Variants in KMT5B observed in about 807,000 individuals in gnomAD.
The protein encoded by KMT5B is histone-lysine N-methyltransferase KMT5B.
In KMT5B, 10 loss-of-function variants were observed where a neutral mutation model predicts 83.2. That is an observed-to-expected ratio of 0.12 (90% CI 0.07 to 0.20). The LOEUF is 0.20. Among genes scored for constraint, KMT5B ranks in the 10% least tolerant of loss-of-function variants. The pLI, the probability that KMT5B is intolerant of heterozygous loss-of-function variation, is 1.00. For synonymous variants in KMT5B, 349 were observed against 388.8 expected, an observed-to-expected ratio of 0.90 and a Z score of 1.20; for missense variants, 753 against 1,067.2, an observed-to-expected ratio of 0.71 and a Z score of 4.10.
intron 10 of KMT5B, 129 bp from the exon 11 acceptor site, chr11:68,159,300 G>T: frequency 7.6e-7 from 1 of 1,319,660 alleles, no homozygotes; most frequent in Non-Finnish European, 9.9e-7. Context: ...GGCTCCTGCT[G>T]CAGATTCTGC....
chr11:68,155,986 T>A lies in KMT5B; in HGVS notation c.*1702A>T, dbSNP rs1355074716. On this transcript the variant is annotated 3_prime_UTR_variant, in exon 11 of 11. Coordinates refer to ENST00000304363, the MANE Select transcript of KMT5B (RefSeq NM_017635.5). ...AATGTTCATGAGTCTTAATTTCTAT[T>A]TGGAACCTATGGGCAATCAACAGTC... 1 of 152,216 alleles carries A rather than the reference T, an allele frequency of 6.6e-6. No individual in the cohort carries two copies. Among genetic ancestry groups the A allele is most frequent in the Non-Finnish European group, 1.5e-5 (1 of 68,038 alleles). 9.4% of individuals were successfully genotyped at this position (152,216 alleles called of 1,614,324 possible).
intron 9 of KMT5B, among the ~76,000 whole-genome samples, chr11:68,167,914 G>T (rs1233450307): frequency 6.6e-6 from 1 of 152,166 alleles, no homozygotes; most frequent in African/African-American, 2.4e-5. Flanking sequence ...GCTCACACCT[G>T]TAATCCCAGC....
chr11:68,207,588 C>T (rs1275546128), intron 1 of KMT5B, among the ~76,000 whole-genome samples: 3 of 151,866 alleles, frequency 2.0e-5, no homozygotes, highest in Non-Finnish European at 4.4e-5. Flanking sequence ...GTCAAGAATT[C>T]GAGACCAGCC....
intron 2 of KMT5B, among the ~76,000 whole-genome samples, chr11:68,187,973 T>A (rs895568670): frequency 1.3e-5 from 2 of 152,060 alleles, no homozygotes; most frequent in Non-Finnish European, 2.9e-5. Flanking sequence ...TAGCCCTCTA[T>A]ATTTATCTAT....
intron 4 of KMT5B, among the ~76,000 whole-genome samples, chr11:68,175,783 G>A (rs1856306075): frequency 6.6e-6 from 1 of 152,154 alleles, no homozygotes; most frequent in Non-Finnish European, 1.5e-5. Flanking sequence ...AACACACCTT[G>A]ATGTTCTAAC....
intron 9 of KMT5B, among the ~76,000 whole-genome samples, chr11:68,167,664 C>A (rs1416556781): frequency 1.3e-5 from 2 of 152,012 alleles, no homozygotes; most frequent in South Asian, 2.1e-4. Context: ...CACTATGTTG[C>A]CCAGGCTGGT....
intron 1 of KMT5B, among the ~76,000 whole-genome samples, chr11:68,206,784 C>A (rs2153089243): frequency 6.6e-6 from 1 of 152,176 alleles, no homozygotes; most frequent in Non-Finnish European, 1.5e-5. Context: ...CTATTCCCCA[C>A]CATAACTCAC....
chr11:68,164,872 G>T (rs2153045371), intron 10 of KMT5B, among the ~76,000 whole-genome samples: 1 of 152,366 alleles, frequency 6.6e-6, no homozygotes, highest in East Asian at 1.9e-4. Context: ...TAAGGCATAA[G>T]CTCCCTGAGG....
At chr11:68,199,693 G>A (rs1859176044) in intron 1 of KMT5B, among the ~76,000 whole-genome samples, 1 of 152,220 alleles carries the variant, frequency 6.6e-6, no homozygotes, top group African/African-American at 2.4e-5. Flanking sequence ...TCTAGGACAA[G>A]AGAATGCAGG....
intron 1 of KMT5B, among the ~76,000 whole-genome samples, chr11:68,206,465 T>C (rs1199881741): frequency 1.3e-5 from 2 of 152,178 alleles, no homozygotes; most frequent in Non-Finnish European, 2.9e-5. Flanking sequence ...GAGGCCACTT[T>C]GAGTTTGCCA....
In KMT5B at chr11:68,158,057, A is replaced by G; in HGVS notation, c.2289T>C (p.Asn763=). ...TGCCTGATCCTGAGTTAAATCCATT[A>G]TTAAGCTTTGCTACATAGAGATTGT... ...NDNNLYVAKL[N]NGFNSGSGSS... The change falls in exon 11 of 11, where the codon AAT becomes AAC. Residue 763 remains asparagine, a synonymous_variant. Transcript: ENST00000304363. 1 of 1,614,210 alleles carries G rather than the reference A, an allele frequency of 6.2e-7. No homozygotes were observed. Among genetic ancestry groups the G allele is most frequent in the Non-Finnish European group, 8.5e-7 (1 of 1,180,038 alleles).
At chr11:68,163,942 T>C (rs1339617195) in intron 10 of KMT5B, among the ~76,000 whole-genome samples, 1 of 152,190 alleles carries the variant, frequency 6.6e-6, no homozygotes, top group Non-Finnish European at 1.5e-5. Flanking sequence ...TTCTGGGGCT[T>C]GTCCTGACTT....
intron 10 of KMT5B, chr11:68,165,914 T>A: frequency 6.2e-7 from 1 of 1,612,878 alleles, no homozygotes; most frequent in Non-Finnish European, 8.5e-7. Context: ...ACATTCACCA[T>A]CATGGGAAAC....
chr11:68,208,073 G>A (rs1385871515), intron 1 of KMT5B, among the ~76,000 whole-genome samples: 3 of 149,730 alleles, frequency 2.0e-5, no homozygotes, highest in Non-Finnish European at 3.0e-5. Flanking sequence ...TCCTGACCAC[G>A]TGATTCACCT....
In KMT5B at chr11:68,171,592, C is replaced by T. The variant is rs760408548; in HGVS notation, c.771G>A (p.Arg257=). 3.5e-5 allele frequency: 56 copies of T among 1,613,984 alleles called. No individual in the cohort carries two copies. In the South Asian group the frequency reaches 6.1e-4, roughly 18 times the overall value. The change falls in exon 7 of 11, where the codon AGG becomes AGA. Residue 257 remains arginine (R), a synonymous_variant. Transcript: ENST00000304363. The surrounding 1 kb of genome is among the most constrained non-coding windows in gnomAD (Gnocchi z 5.1). The part of the protein sequence containing the change: ...ENDFSVMYST[R]KNCAQLWLGP... Reference sequence around the variant, plus strand: ...CCAGCCAGAGTTGAGCACAGTTTTTCCTTGTGGAGTACATGACACTGAAGT... The same window carrying T: ...CCAGCCAGAGTTGAGCACAGTTTTTTCTTGTGGAGTACATGACACTGAAGT...
intron 1 of KMT5B, among the ~76,000 whole-genome samples, chr11:68,192,947 G>T (rs545194439): frequency 6.6e-5 from 10 of 152,282 alleles, no homozygotes; most frequent in African/African-American, 2.4e-4. Flanking sequence ...TTTGGGAACC[G>T]ATTGATCTGA....
At chr11:68,164,732 A>T in intron 10 of KMT5B, 3 of 497,856 alleles carry the variant, frequency 6.0e-6, no homozygotes, top group Non-Finnish European at 1.2e-5. Context: ...CAGTCCCTGC[A>T]AAATGTACAC....
chr11:68,163,483 G>A (rs532815500), intron 10 of KMT5B, among the ~76,000 whole-genome samples: 23 of 152,318 alleles, frequency 1.5e-4, no homozygotes, highest in African/African-American at 5.3e-4. Context: ...GGCTATTATG[G>A]TCATTTCAGG....
intron 1 of KMT5B, among the ~76,000 whole-genome samples, chr11:68,197,377 C>A (rs571990634): frequency 6.6e-6 from 1 of 152,278 alleles, no homozygotes; most frequent in South Asian, 2.1e-4. Context: ...CCAGGTGATG[C>A]AAGCTCCAGT....
Sources: allele counts gnomAD v4.1 joint callset (sites outside exome capture counted in the v4.1 genomes callset), GRCh38; gene constraint gnomAD v4.1.1; non-coding constraint Gnocchi (gnomAD v3.1); transcripts MANE v1.5; gene names NCBI Gene and HGNC (gene_info 2026-07-23, HGNC 2026-07-21).